The following KLHL1 variants were observed in gnomAD, a reference collection of about 807,000 sequenced individuals.
The protein encoded by KLHL1 is kelch-like protein 1.
A neutral mutation model predicts 77.7 loss-of-function variants in KLHL1; 47 were observed. The ratio of observed to expected loss-of-function variants is 0.60; its 90% CI spans 0.48 to 0.77. KLHL1 has a LOEUF of 0.77. KLHL1 is among the 30% of genes least tolerant of loss of function. The pLI is 0.00. For missense variants in KLHL1, 925 were observed against 910.8 expected (o/e 1.02, Z -0.20); for synonymous variants, 360 against 325.2 (o/e 1.11, Z -1.15).
At chr13:69,959,320 T>A (rs1883993313) in intron 3 of KLHL1, among the ~76,000 whole-genome samples, 1 of 151,996 alleles carries the variant, frequency 6.6e-6, no homozygotes, top group Admixed American at 6.6e-5. Flanking sequence ...TGTCTTTTAG[T>A]TGCTGGAAGG....
intron 1 of KLHL1, among the ~76,000 whole-genome samples, chr13:69,994,792 A>G (rs1885109152): frequency 6.6e-6 from 1 of 152,104 alleles, no homozygotes; most frequent in African/African-American, 2.4e-5. Context: ...AATATTTCCC[A>G]GGAATACTGT....
rs150029142 is a variant in KLHL1 at position 69,984,190 on chromosome 13, G to A, written c.498-8388C>T. Among the ~76,000 whole-genome samples the A allele has an allele frequency of 3.8e-3, 574 of 152,132 alleles. 5 individuals are homozygous for A. The highest frequency in any genetic ancestry group is 7.0e-3 in the Non-Finnish European group (473 of 67,980). On this transcript the variant is annotated intron_variant, in intron 1 of 10. Transcript: ENST00000377844. The stretch of plus-strand genomic sequence containing the variant: ...ATAGGAGTTAAAAAGAAATTATTTA[G>A]GCAGATAGTGAGGGTACGGATGTCC...
At chr13:69,780,243 A>AACTT (rs1243246442) in intron 7 of KLHL1, among the ~76,000 whole-genome samples, 1 of 152,190 alleles carries the variant, frequency 6.6e-6, no homozygotes, top group Non-Finnish European at 1.5e-5. Flanking sequence ...TTGCATCTCC[A>AACTT]ACTTACCTCC....
intron 4 of KLHL1, among the ~76,000 whole-genome samples, chr13:69,930,380 C>T (rs1469070317): frequency 6.6e-6 from 1 of 151,772 alleles, no homozygotes; most frequent in African/African-American, 2.4e-5. Flanking sequence ...TAAACCATTA[C>T]AAAGTACCAA....
intron 1 of KLHL1, among the ~76,000 whole-genome samples, chr13:70,030,329 C>A (rs920004460): frequency 6.6e-6 from 1 of 152,126 alleles, no homozygotes; most frequent in Admixed American, 6.6e-5. Context: ...CCAAAATTGA[C>A]CACATAGTTG....
At chr13:69,838,839 T>C (rs1361062198) in intron 6 of KLHL1, 137 bp downstream of exon 6, 1 of 506,404 alleles carries the variant, frequency 2.0e-6, no homozygotes, top group African/African-American at 2.0e-5. Context: ...AGGAGATATT[T>C]AATTTCTCCC....
At chr13:69,849,378 A>G (rs1191176741) in intron 5 of KLHL1, among the ~76,000 whole-genome samples, 4 of 151,390 alleles carry the variant, frequency 2.6e-5, no homozygotes, top group Non-Finnish European at 5.9e-5. Flanking sequence ...ACTTTCCCCA[A>G]TACCCTGAAG....
intron 9 of KLHL1, among the ~76,000 whole-genome samples, chr13:69,709,357 G>C (rs958481534): frequency 2.6e-5 from 4 of 152,004 alleles, no homozygotes; most frequent in Non-Finnish European, 5.9e-5. Flanking sequence ...CCACAAGGGA[G>C]AAAATAGTTC....
Position 70,107,524 on chromosome 13 carries a change from C to CT in KLHL1, c.175dup (p.Ser59LysfsTer98). 2 of 1,611,372 alleles carry CT rather than the reference C, an allele frequency of 1.2e-6. No individual in the cohort carries two copies. Among genetic ancestry groups the CT allele is most frequent in the Non-Finnish European group, 1.7e-6 (2 of 1,178,610 alleles). ...AGTGCTCACACCGCTTCTCTCTTGGCTTTTGAGCAGGCGACTCTGGCTGGG... is the reference window on the plus strand; with the variant it reads ...AGTGCTCACACCGCTTCTCTCTTGGCTTTTTGAGCAGGCGACTCTGGCTGGG... On this transcript the variant is annotated frameshift_variant, in exon 1 of 11. Transcript: ENST00000377844. LOFTEE classifies it high-confidence loss of function.
chr13:70,029,594 A>C (rs1401042677), intron 1 of KLHL1, among the ~76,000 whole-genome samples: 2 of 152,264 alleles, frequency 1.3e-5, no homozygotes, highest in East Asian at 1.9e-4. Flanking sequence ...AAAAGAGCTC[A>C]TGAAGGAAGC....
chr13:70,061,106 G>T (rs1451164427), intron 1 of KLHL1, among the ~76,000 whole-genome samples: 2 of 151,966 alleles, frequency 1.3e-5, no homozygotes, highest in Non-Finnish European at 2.9e-5. Flanking sequence ...GAGAAGTGAG[G>T]ATGGTTATCT....
chr13:69,773,447 A>G (rs543302323), intron 7 of KLHL1, among the ~76,000 whole-genome samples: 1 of 152,164 alleles, frequency 6.6e-6, no homozygotes, highest in Admixed American at 6.5e-5. Flanking sequence ...ATATAATTGC[A>G]TATTTAGTAT....
At chr13:69,940,649 G>A (rs1883336019) in intron 3 of KLHL1, among the ~76,000 whole-genome samples, 1 of 151,940 alleles carries the variant, frequency 6.6e-6, no homozygotes, top group Admixed American at 6.6e-5. Context: ...TTTAACATAT[G>A]TATATACATT....
At chr13:70,018,989 G>A (rs922350275) in intron 1 of KLHL1, among the ~76,000 whole-genome samples, 10 of 152,134 alleles carry the variant, frequency 6.6e-5, no homozygotes, top group Admixed American at 4.6e-4. Context: ...GTAAGTCCAT[G>A]TAACATTTCA....
intron 4 of KLHL1, among the ~76,000 whole-genome samples, chr13:69,895,415 C>T (rs987250665): frequency 5.9e-5 from 9 of 152,142 alleles, no homozygotes; most frequent in African/African-American, 2.2e-4. Flanking sequence ...CTCACAGAAG[C>T]CCATCCCATT....
intron 6 of KLHL1, among the ~76,000 whole-genome samples, chr13:69,828,232 AG>A (rs202084023): frequency 0.2 from 29,677 of 150,250 alleles, 4,430 homozygotes; most frequent in South Asian, 0.31. Flanking sequence ...GAGAGGGGAA[AG>A]TCAGCCTCCA....
intron 1 of KLHL1, among the ~76,000 whole-genome samples, chr13:70,098,570 T>C (rs1232358515): frequency 6.6e-6 from 1 of 151,882 alleles, no homozygotes; most frequent in Non-Finnish European, 1.5e-5. Flanking sequence ...AAAGACTTAT[T>C]TGAAGTATGT....
At chr13:70,029,671 G>T (rs7332894) in intron 1 of KLHL1, among the ~76,000 whole-genome samples, 3 of 151,982 alleles carry the variant, frequency 2.0e-5, no homozygotes, top group South Asian at 2.1e-4. Context: ...AAAGACCATC[G>T]ATGCTAGGAA....
intron 7 of KLHL1, among the ~76,000 whole-genome samples, chr13:69,769,186 T>C (rs1202974333): frequency 6.6e-6 from 1 of 152,190 alleles, no homozygotes; most frequent in Non-Finnish European, 1.5e-5. Flanking sequence ...GAAATGACAT[T>C]AGGCCCAACT....
Sources: allele counts gnomAD v4.1 joint callset (sites outside exome capture counted in the v4.1 genomes callset), GRCh38; gene constraint gnomAD v4.1.1; transcripts MANE v1.5; gene names NCBI Gene and HGNC (gene_info 2026-07-23, HGNC 2026-07-21).